The following MOB1A variants were observed in gnomAD, a reference collection of about 807,000 sequenced individuals.
The protein encoded by MOB1A is MOB1 Mps One Binder homolog A.
A neutral mutation model predicts 25.1 loss-of-function variants in MOB1A; 10 were observed. That is an observed-to-expected ratio of 0.40 (90% CI 0.25 to 0.68). The LOEUF (loss-of-function observed/expected upper bound fraction) is 0.68, where lower values mean the gene tolerates loss of function less well. MOB1A is among the 30% of genes least tolerant of loss of function. The pLI, the probability that MOB1A is intolerant of heterozygous loss-of-function variation, is 0.40. For synonymous variants in MOB1A, 81 were observed against 79.5 expected (o/e 1.02, Z -0.10); for missense variants, 177 against 256.3 (o/e 0.69, Z 2.11).
At chr2:74,157,885 A>G (rs1310094170) in intron 5 of MOB1A, among the ~76,000 whole-genome samples, 1 of 152,152 alleles carries the variant, frequency 6.6e-6, no homozygotes, top group Non-Finnish European at 1.5e-5. Context: ...ATTTACATTA[A>G]AATTACCCGA....
At chr2:74,157,759 G>A (rs146502244) in intron 5 of MOB1A, among the ~76,000 whole-genome samples, 1,783 of 152,140 alleles carry the variant, frequency 0.012, 89 homozygotes, top group Admixed American at 0.073. Flanking sequence ...TAGGATAAAG[G>A]GAGTTTGTTT....
intron 1 of MOB1A, among the ~76,000 whole-genome samples, chr2:74,176,348 T>G (rs1226727149): frequency 6.7e-6 from 1 of 150,024 alleles, no homozygotes; most frequent in African/African-American, 2.5e-5. Context: ...CTGAAAAGTT[T>G]TTAACATGAT....
intron 1 of MOB1A, among the ~76,000 whole-genome samples, chr2:74,177,403 G>A (rs1693506442): frequency 6.6e-6 from 1 of 152,144 alleles, no homozygotes; most frequent in Non-Finnish European, 1.5e-5. Context: ...CAAAGCAACT[G>A]TGCATTCACT....
At chr2:74,173,421 C>T (rs1355290266) in intron 1 of MOB1A, among the ~76,000 whole-genome samples, 1 of 134,680 alleles carries the variant, frequency 7.4e-6, no homozygotes, top group Non-Finnish European at 1.6e-5. Flanking sequence ...TACTCTGTCA[C>T]CCAGGCTGGA....
intron 1 of MOB1A, among the ~76,000 whole-genome samples, chr2:74,173,017 TC>T (rs1156886233): frequency 6.6e-6 from 1 of 152,058 alleles, no homozygotes; most frequent in Non-Finnish European, 1.5e-5. Context: ...ACACCTGTAG[TC>T]CCAGCTACTT....
At chr2:74,165,101 C>G in intron 4 of MOB1A, 117 bp downstream of exon 4, 1 of 685,280 alleles carries the variant, frequency 1.5e-6, no homozygotes, top group Non-Finnish European at 2.2e-6. Flanking sequence ...AGGAGGATCA[C>G]TTGAGGCCAG....
rs752567575 is a variant in MOB1A at position 74,167,122 on chromosome 2, G to A, written c.182-15C>T. 17 of 1,600,368 alleles carry A rather than the reference G, an allele frequency of 1.1e-5. No individual in the cohort carries two copies. Among genetic ancestry groups the A allele is most frequent in the Middle Eastern group, 1.7e-4 (1 of 6,040 alleles). ...GAAATCCACAGCTGCAGAGATAATAGAATTGTGTCAAAATGTCTGTGTAAA... is the reference window on the plus strand; with the variant it reads ...GAAATCCACAGCTGCAGAGATAATAAAATTGTGTCAAAATGTCTGTGTAAA... On this transcript the variant is annotated splice_polypyrimidine_tract_variant and intron_variant, in intron 2 of 5. Transcript: ENST00000396049.
At chr2:74,165,791 T>G (rs1693113337) in intron 3 of MOB1A, among the ~76,000 whole-genome samples, 1 of 151,496 alleles carries the variant, frequency 6.6e-6, no homozygotes, top group African/African-American at 2.5e-5. Context: ...TAGGCATGCA[T>G]ACTTTCCCCC....
intron 1 of MOB1A, chr2:74,173,090 C>T (rs564337438): frequency 3.7e-5 from 17 of 461,450 alleles, no homozygotes; most frequent in African/African-American, 5.9e-5. Context: ...AAGCTGAAAT[C>T]GCATCACTGC....
intron 1 of MOB1A, 134 bp from the exon 2 acceptor site, chr2:74,172,886 T>C: frequency 1.1e-6 from 1 of 931,314 alleles, no homozygotes; most frequent in African/African-American, 1.7e-5. Context: ...GCATGGTGGC[T>C]CATGCCTGTA....
intron 4 of MOB1A, among the ~76,000 whole-genome samples, chr2:74,159,825 C>T (rs1393466813): frequency 1.8e-5 from 2 of 110,092 alleles, no homozygotes; most frequent in Non-Finnish European, 3.6e-5. Context: ...TTGTCCCCCC[C>T]CCCACCCCGG....
intron 5 of MOB1A, among the ~76,000 whole-genome samples, chr2:74,157,263 A>G (rs1368461929): frequency 6.6e-6 from 1 of 151,962 alleles, no homozygotes; most frequent in African/African-American, 2.4e-5. Flanking sequence ...CACAAAAAAC[A>G]GGGCTCAGGA....
At chr2:74,173,623 A>G (rs1368425908) in intron 1 of MOB1A, among the ~76,000 whole-genome samples, 3 of 150,220 alleles carry the variant, frequency 2.0e-5, no homozygotes, top group Non-Finnish European at 4.4e-5. Context: ...CTCAAGTGAT[A>G]CACCCGCCTC....
intron 2 of MOB1A, among the ~76,000 whole-genome samples, chr2:74,170,865 G>A (rs1405215648): frequency 1.3e-5 from 2 of 151,872 alleles, no homozygotes; most frequent in Non-Finnish European, 2.9e-5. Flanking sequence ...ACTCCAGCCT[G>A]GGCAACAAAG....
At chr2:74,171,412 GTTC>G (rs1465265114) in intron 2 of MOB1A, among the ~76,000 whole-genome samples, 4 of 152,128 alleles carry the variant, frequency 2.6e-5, no homozygotes, top group African/African-American at 9.7e-5. Context: ...ATCTTTACAA[GTTC>G]TTGTCTTTTA....
chr2:74,159,035 C>T, intron 5 of MOB1A, 56 bp downstream of exon 5: 1 of 1,567,718 alleles, frequency 6.4e-7, no homozygotes, highest in South Asian at 1.1e-5. Context: ...TGTTGAAGTT[C>T]CCAATCCAAA....
intron 2 of MOB1A, among the ~76,000 whole-genome samples, chr2:74,167,644 GA>G (rs1395529034): frequency 2.0e-5 from 3 of 152,172 alleles, no homozygotes; most frequent in Non-Finnish European, 4.4e-5. Flanking sequence ...TTTGTGTTAG[GA>G]AAGAGACAAA....
At chr2:74,174,109 AC>A (rs113758404) in intron 1 of MOB1A, among the ~76,000 whole-genome samples, 31,326 of 148,780 alleles carry the variant, frequency 0.21, 4,387 homozygotes, top group East Asian at 0.38. Context: ...CCACTAAAAA[AC>A]AAGTACAAAA....
chr2:74,172,821 T>C (rs1693333255), intron 1 of MOB1A, 69 bp from the exon 2 acceptor site: 1 of 1,472,278 alleles, frequency 6.8e-7, no homozygotes, highest in East Asian at 2.4e-5. Flanking sequence ...ACAACATAAT[T>C]TTAGGTATAT....
Sources: gnomAD v4.1 joint callset for allele counts (sites outside exome capture counted in the v4.1 genomes callset) on GRCh38, gnomAD v4.1.1 for gene constraint, MANE v1.5 for transcripts, NCBI Gene and HGNC (gene_info 2026-07-23, HGNC 2026-07-21) for gene names.